The following COPS4 variants were observed in gnomAD, a reference collection of about 807,000 sequenced individuals.
COPS4 encodes the protein COP9 signalosome complex subunit 4.
Under a neutral mutation model 55.1 loss-of-function variants are expected in COPS4, and 8 were observed. The observed-to-expected ratio is 0.15, with a 90% CI of 0.09 to 0.26. COPS4 has a LOEUF of 0.26. COPS4 is among the 10% of genes least tolerant of loss of function. COPS4 has a pLI of 1.00. For synonymous variants in COPS4, 185 were observed against 165.7 expected, an observed-to-expected ratio of 1.12 and a Z score of -0.90; for missense variants, 248 against 484.0, an observed-to-expected ratio of 0.51 and a Z score of 4.58.
intron 1 of COPS4, among the ~76,000 whole-genome samples, chr4:83,041,361 C>T (rs2126127614): frequency 6.6e-6 from 1 of 152,122 alleles, no homozygotes; most frequent in Non-Finnish European, 1.5e-5. Flanking sequence ...CTGCGCCCGG[C>T]CAAATTTTTT....
intron 1 of COPS4, among the ~76,000 whole-genome samples, chr4:83,045,136 T>C (rs1730674795): frequency 6.6e-6 from 1 of 152,222 alleles, no homozygotes; most frequent in South Asian, 2.1e-4. Context: ...GTCAACATTA[T>C]CCTATTGCTG....
At chr4:83,052,737 C>T (rs1045407085) in intron 4 of COPS4, among the ~76,000 whole-genome samples, 8 of 152,244 alleles carry the variant, frequency 5.3e-5, no homozygotes, top group African/African-American at 1.9e-4. Flanking sequence ...CAGGTGCACA[C>T]CACTACGCCT....
chr4:83,070,708 C>A (rs1731404101), intron 9 of COPS4, among the ~76,000 whole-genome samples: 2 of 152,142 alleles, frequency 1.3e-5, no homozygotes, highest in African/African-American at 4.8e-5. Flanking sequence ...CTTCTCATAT[C>A]TACAATTGCT....
At chr4:83,054,143 C>T (rs1228318736) in intron 4 of COPS4, among the ~76,000 whole-genome samples, 4 of 152,122 alleles carry the variant, frequency 2.6e-5, no homozygotes, top group African/African-American at 9.6e-5. Flanking sequence ...GAGATCAAGA[C>T]CATCCTGGCT....
chr4:83,060,417 C>T (rs1731136122), intron 6 of COPS4, among the ~76,000 whole-genome samples: 1 of 151,066 alleles, frequency 6.6e-6, no homozygotes, highest in East Asian at 2.0e-4. Context: ...GGCACGATCT[C>T]GGCTCACTGC....
At chr4:83,066,386 TTTAGAGTATAAA>T in intron 7 of COPS4, 40 bp from the exon 8 acceptor site, 1 of 869,828 alleles carries the variant, frequency 1.1e-6, no homozygotes, top group Non-Finnish European at 1.8e-6. Flanking sequence ...GATGCATCTT[TTTAGAGTATAAA>T]ACTAGTTTCA....
At chr4:83,058,766 TATC>T (rs1418768433) in intron 6 of COPS4, among the ~76,000 whole-genome samples, 1 of 152,210 alleles carries the variant, frequency 6.6e-6, no homozygotes, top group Non-Finnish European at 1.5e-5. Context: ...TGTCTGGCTT[TATC>T]ATAATTCATT....
rs376125175 is a variant in COPS4 at position 83,052,322 on chromosome 4, G to A, written c.410+2338G>A. On this transcript the variant is annotated intron_variant, in intron 4 of 9. Transcript: ENST00000264389. Reference sequence around the variant, plus strand: ...AGGATTCTTGCAGGAGTAGACAAGAGAGGAAGGAATCTAGCAGAGGGATAG... The same window carrying A: ...AGGATTCTTGCAGGAGTAGACAAGAAAGGAAGGAATCTAGCAGAGGGATAG... Among the ~76,000 whole-genome samples the A allele has an allele frequency of 4.4e-4, 67 of 152,318 alleles. 1 individual carries two copies. The highest frequency in any genetic ancestry group is 1.0e-3 in the Admixed American group (16 of 15,292).
chr4:83,045,847 C>G (rs768174597), intron 2 of COPS4, 142 bp downstream of exon 2: 8 of 568,472 alleles, frequency 1.4e-5, no homozygotes, highest in Non-Finnish European at 2.5e-5. Context: ...CTGTTTACAA[C>G]TTGATTAATT....
intron 9 of COPS4, among the ~76,000 whole-genome samples, chr4:83,069,523 C>T (rs1282526021): frequency 6.6e-6 from 1 of 152,144 alleles, no homozygotes; most frequent in African/African-American, 2.4e-5. Flanking sequence ...ACATAGGATT[C>T]ATGGTACATT....
At chr4:83,065,227 TATTTA>T (rs10555484) in intron 7 of COPS4, 114,266 of 449,510 alleles carry the variant, frequency 0.25, 15,734 homozygotes, top group East Asian at 0.45. Flanking sequence ...CTGGATTGGA[TATTTA>T]ATTTAGGTAG....
intron 1 of COPS4, 133 bp downstream of exon 1, chr4:83,035,431 G>T: frequency 1.5e-6 from 1 of 652,240 alleles, no homozygotes; most frequent in South Asian, 1.5e-5. Flanking sequence ...CGGGCCTGAG[G>T]TCGGCTGGGG....
intron 7 of COPS4, among the ~76,000 whole-genome samples, chr4:83,065,467 G>C (rs1211291822): frequency 1.3e-5 from 2 of 152,168 alleles, no homozygotes; most frequent in Non-Finnish European, 2.9e-5. Context: ...TTCTGGAAAA[G>C]GAGAAGTGAG....
At chr4:83,066,693 C>T in intron 8 of COPS4, 140 bp downstream of exon 8, 4 of 539,182 alleles carry the variant, frequency 7.4e-6, no homozygotes, top group South Asian at 5.2e-5. Flanking sequence ...CAGAATTACA[C>T]CTAAAAAGCC....
At chr4:83,055,515 C>G (rs1202769005) in intron 4 of COPS4, among the ~76,000 whole-genome samples, 4 of 150,474 alleles carry the variant, frequency 2.7e-5, no homozygotes, top group South Asian at 4.2e-4. Context: ...ATGATCTCGG[C>G]TTACTGCAAC....
In COPS4 at chr4:83,050,003, A is replaced by G; in HGVS notation, c.410+19A>G. 3 of 1,415,634 alleles carry G rather than the reference A, an allele frequency of 2.1e-6. No individual in the cohort carries two copies. Among genetic ancestry groups the G allele is most frequent in the Non-Finnish European group, 3.0e-6 (3 of 1,008,252 alleles). 87.7% of individuals were successfully genotyped at this position (1,415,634 alleles called of 1,614,324 possible). Reference sequence around the variant, plus strand: ...GACAAAAGTATAGTAAATAGTGGATATTGGATGACTATATATAGGATGTAT... The same window carrying G: ...GACAAAAGTATAGTAAATAGTGGATGTTGGATGACTATATATAGGATGTAT... On this transcript the variant is annotated intron_variant, in intron 4 of 9. Transcript: ENST00000264389.
chr4:83,044,444 CAA>C (rs35654094), intron 1 of COPS4, among the ~76,000 whole-genome samples: 94 of 59,932 alleles, frequency 1.6e-3, no homozygotes, highest in South Asian at 0.011. Flanking sequence ...GACTCCATCT[CAA>C]AAAAAAAAAA....
At chr4:83,037,098 GCAA>G (rs1001119545) in intron 1 of COPS4, among the ~76,000 whole-genome samples, 5 of 152,150 alleles carry the variant, frequency 3.3e-5, no homozygotes, top group African/African-American at 9.7e-5. Flanking sequence ...TAGTCAGCTG[GCAA>G]CACACCTGGG....
At chr4:83,074,629 A>AT (rs1731521108) in intron 9 of COPS4, among the ~76,000 whole-genome samples, 1 of 149,734 alleles carries the variant, frequency 6.7e-6, no homozygotes, top group South Asian at 2.1e-4. Context: ...CGCCCGGCTA[A>AT]TTTTTGTATT....
Sources: allele counts gnomAD v4.1 joint callset (sites outside exome capture counted in the v4.1 genomes callset), GRCh38; gene constraint gnomAD v4.1.1; transcripts MANE v1.5; gene names NCBI Gene and HGNC (gene_info 2026-07-23, HGNC 2026-07-21).